Variants in KCNQ5 observed in about 807,000 individuals in gnomAD.
KCNQ5 encodes the protein potassium voltage-gated channel subfamily KQT member 5.
A neutral mutation model predicts 98.2 loss-of-function variants in KCNQ5; 30 were observed. The observed-to-expected ratio is 0.31, with a 90% CI of 0.23 to 0.41. The LOEUF is 0.41. Ranked by LOEUF, KCNQ5 falls within the 10% of genes least tolerant of loss-of-function variation. The pLI is 1.00. For missense variants in KCNQ5, 835 were observed against 1,182.5 expected, an observed-to-expected ratio of 0.71 and a Z score of 4.31; for synonymous variants, 458 against 449.4, an observed-to-expected ratio of 1.02 and a Z score of -0.24.
intron 11 of KCNQ5, among the ~76,000 whole-genome samples, chr6:73,175,732 C>T (rs1778187391): frequency 6.6e-6 from 1 of 152,102 alleles, no homozygotes; most frequent in South Asian, 2.1e-4. Context: ...TAAACGTTAA[C>T]AAAAAAGATG....
intron 5 of KCNQ5, among the ~76,000 whole-genome samples, chr6:73,085,882 A>C (rs747899926): frequency 5.9e-5 from 9 of 152,154 alleles, no homozygotes; most frequent in Non-Finnish European, 1.2e-4. Context: ...GAAACCACGA[A>C]ATGTAACATT....
intron 1 of KCNQ5, among the ~76,000 whole-genome samples, chr6:72,854,648 T>G (rs989939907): frequency 1.4e-4 from 21 of 151,184 alleles, no homozygotes; most frequent in African/African-American, 4.1e-4. Context: ...ATCTTTTTTA[T>G]AATGTCAAAA....
At chr6:72,626,447 G>C (rs1176720636) in intron 1 of KCNQ5, among the ~76,000 whole-genome samples, 2 of 152,202 alleles carry the variant, frequency 1.3e-5, no homozygotes, top group Non-Finnish European at 2.9e-5. Flanking sequence ...CCACAAGAAA[G>C]GGTGGTAGAG....
intron 1 of KCNQ5, among the ~76,000 whole-genome samples, chr6:72,983,338 A>C (rs1036934462): frequency 6.6e-5 from 10 of 152,300 alleles, no homozygotes; most frequent in African/African-American, 1.9e-4. Flanking sequence ...CTTTTCACAT[A>C]GTCTCACATT....
chr6:72,735,227 A>G (rs936748253), intron 1 of KCNQ5, among the ~76,000 whole-genome samples: 1 of 152,232 alleles, frequency 6.6e-6, no homozygotes, highest in Admixed American at 6.5e-5. Context: ...CAGTATCTGT[A>G]GGATGGTTCT....
rs114871386 is a variant in KCNQ5 at position 73,095,356 on chromosome 6, C to T, written c.919-9901C>T. ...TATCATTTTTTGGATTTCCTTAAAT[C>T]GGGCTTCACATGTCTCTGGTGCTCC... On this transcript the variant is annotated intron_variant, in intron 5 of 13. Coordinates refer to ENST00000370398, the MANE Select transcript of KCNQ5 (RefSeq NM_019842.4). 8.2e-3 allele frequency among the ~76,000 whole-genome samples: 1,253 copies of T among 152,194 alleles called. 19 individuals are homozygous for T. Among genetic ancestry groups the T allele is most frequent in the African/African-American group, 0.029 (1,186 of 41,532 alleles).
chr6:72,627,975 A>G (rs1435567224), intron 1 of KCNQ5, among the ~76,000 whole-genome samples: 1 of 152,164 alleles, frequency 6.6e-6, no homozygotes, highest in South Asian at 2.1e-4. Flanking sequence ...CACTCTACCA[A>G]TGTCATTATA....
At position 72,852,564 on chromosome 6, in the gene KCNQ5, A is replaced by T. The variant is rs551020925; in HGVS notation, c.399-151344A>T. Among the ~76,000 whole-genome samples the T allele has an allele frequency of 8.2e-5, 12 of 146,070 alleles. No individual in the cohort carries two copies. In the South Asian group the frequency reaches 2.6e-3, roughly 32 times the overall value. On this transcript the variant is annotated intron_variant, in intron 1 of 13. Coordinates refer to ENST00000370398, the MANE Select transcript of KCNQ5 (RefSeq NM_019842.4). Reference sequence around the variant, plus strand: ...CATATATCGGAGCAAAAAAAAGTGGATCTCGTGAAGATAGAGAGTAGATTG... The same window carrying T: ...CATATATCGGAGCAAAAAAAAGTGGTTCTCGTGAAGATAGAGAGTAGATTG...
intron 1 of KCNQ5, among the ~76,000 whole-genome samples, chr6:72,892,269 C>A (rs887141279): frequency 6.6e-6 from 1 of 152,216 alleles, no homozygotes; most frequent in African/African-American, 2.4e-5. Context: ...TTATGCACAA[C>A]TGAAAGTTCC....
In KCNQ5 at chr6:72,734,422, C is replaced by T. The variant is rs371788789; in HGVS notation, c.398+111835C>T. Among the ~76,000 whole-genome samples, 16 of 152,036 alleles carry T rather than the reference C, an allele frequency of 1.1e-4. 1 individual carries two copies. The South Asian group carries it at 3.1e-3, about 30-fold the overall frequency. ...CTGCAAGCTCCACCTCCCGGGTTCA[C>T]GCCATTCTCCTGCCTCAGCCTCCCG... On this transcript the variant is annotated intron_variant, in intron 1 of 13. Coordinates refer to ENST00000370398, the MANE Select transcript of KCNQ5 (RefSeq NM_019842.4).
chr6:72,945,315 C>T (rs1766486971), intron 1 of KCNQ5, among the ~76,000 whole-genome samples: 1 of 151,908 alleles, frequency 6.6e-6, no homozygotes. Flanking sequence ...ACGTTAGTTA[C>T]ATATGTATAC....
intron 1 of KCNQ5, among the ~76,000 whole-genome samples, chr6:72,828,030 G>T (rs1410486556): frequency 6.6e-6 from 1 of 152,106 alleles, no homozygotes; most frequent in African/African-American, 2.4e-5. Flanking sequence ...TTAAAAATCA[G>T]TTGGCTGTAG....
chr6:72,860,355 C>T (rs1777714114), intron 1 of KCNQ5, among the ~76,000 whole-genome samples: 1 of 152,114 alleles, frequency 6.6e-6, no homozygotes, highest in South Asian at 2.1e-4. Context: ...TCAACATGCT[C>T]AGTCTTTCTT....
At chr6:72,680,868 C>G (rs192146643) in intron 1 of KCNQ5, among the ~76,000 whole-genome samples, 11 of 152,194 alleles carry the variant, frequency 7.2e-5, no homozygotes, top group East Asian at 5.8e-4. Context: ...CTAAATAACC[C>G]AAAAGGAAAC....
At chr6:73,134,060 T>A (rs1455290044) in intron 10 of KCNQ5, 2 of 462,668 alleles carry the variant, frequency 4.3e-6, no homozygotes, top group Admixed American at 2.4e-5. Context: ...TGATCATTTC[T>A]GGTCAACAAT....
chr6:72,684,090 A>G (rs891475633), intron 1 of KCNQ5, among the ~76,000 whole-genome samples: 1 of 152,208 alleles, frequency 6.6e-6, no homozygotes, highest in Non-Finnish European at 1.5e-5. Context: ...ATTACCTATT[A>G]TGCACATGGC....
At chr6:73,145,961 G>A (rs1200469455) in intron 10 of KCNQ5, among the ~76,000 whole-genome samples, 1 of 152,006 alleles carries the variant, frequency 6.6e-6, no homozygotes, top group Non-Finnish European at 1.5e-5. Context: ...GAGTGAAGGG[G>A]GAAGTGCCAC....
intron 1 of KCNQ5, among the ~76,000 whole-genome samples, chr6:72,647,128 A>G (rs1391043609): frequency 1.3e-5 from 2 of 152,254 alleles, no homozygotes; most frequent in Non-Finnish European, 2.9e-5. Context: ...TTACAACAAT[A>G]GAGTTGAGTG....
At chr6:73,069,215 A>G (rs145631343) in intron 3 of KCNQ5, among the ~76,000 whole-genome samples, 2,405 of 152,096 alleles carry the variant, frequency 0.016, 24 homozygotes, top group Non-Finnish European at 0.018. Context: ...TTTTATGTTT[A>G]TATATTAAAG....
Sources: gnomAD v4.1 joint callset for allele counts (sites outside exome capture counted in the v4.1 genomes callset) on GRCh38, gnomAD v4.1.1 for gene constraint, MANE v1.5 for transcripts, NCBI Gene and HGNC (gene_info 2026-07-23, HGNC 2026-07-21) for gene names.